Variants in MLIP observed in about 807,000 individuals in gnomAD.
The protein encoded by MLIP is muscular LMNA interacting protein, also known as muscular LMNA-interacting protein.
A neutral mutation model predicts 84.8 loss-of-function variants in MLIP; 79 were observed. The ratio of observed to expected loss-of-function variants is 0.93; its 90% CI spans 0.78 to 1.12. MLIP has a LOEUF of 1.12. MLIP is among the 50% of genes most tolerant of loss of function. MLIP has a pLI of 0.00. For synonymous variants in MLIP, 504 were observed against 463.0 expected, an observed-to-expected ratio of 1.09 and a Z score of -1.14; for missense variants, 1,257 against 1,160.6, an observed-to-expected ratio of 1.08 and a Z score of -1.21.
intron 11 of MLIP, among the ~76,000 whole-genome samples, chr6:54,204,500 C>A (rs1778909120): frequency 6.6e-6 from 1 of 152,122 alleles, no homozygotes; most frequent in African/African-American, 2.4e-5. Flanking sequence ...ATCCATGGAA[C>A]CTACATTGTT....
chr6:54,244,541 A>G (rs1781949308), intron 12 of MLIP, among the ~76,000 whole-genome samples: 1 of 152,190 alleles, frequency 6.6e-6, no homozygotes, highest in South Asian at 2.1e-4. Context: ...CAATGAGCAG[A>G]TATTTTAAGA....
At chr6:54,102,922 G>T (rs1301725037) in intron 1 of MLIP, among the ~76,000 whole-genome samples, 1 of 152,144 alleles carries the variant, frequency 6.6e-6, no homozygotes, top group East Asian at 1.9e-4. Context: ...ACAACAGGAG[G>T]TTGTATCTAA....
At chr6:54,154,629 T>G (rs1409760778) in intron 5 of MLIP, among the ~76,000 whole-genome samples, 1 of 152,136 alleles carries the variant, frequency 6.6e-6, no homozygotes, top group Non-Finnish European at 1.5e-5. Flanking sequence ...TACTGTACAG[T>G]GACATCAGCT....
chr6:54,155,145 C>T (rs2797429), intron 5 of MLIP, among the ~76,000 whole-genome samples: 56,853 of 151,836 alleles, frequency 0.37, 12,597 homozygotes, highest in African/African-American at 0.62. Flanking sequence ...CAAATATTCC[C>T]AGATCTTTAA....
At position 54,111,598 on chromosome 6, in the gene MLIP, T is replaced by A. The variant is rs1259489100; in HGVS notation, c.96+23T>A. 2.6e-6 allele frequency: 4 copies of A among 1,535,576 alleles called. No homozygotes were observed. The Admixed American group carries it at 7.8e-5, about 30-fold the overall frequency. On this transcript the variant is annotated intron_variant, in intron 1 of 13. Transcript: ENST00000502396. Reference sequence around the variant, plus strand: ...CAGGTAAAAGGAAGTCTTTGCTTAATGCTTTCAGTAACTTTTAAAAGCAGT... The same window carrying A: ...CAGGTAAAAGGAAGTCTTTGCTTAAAGCTTTCAGTAACTTTTAAAAGCAGT...
chr6:54,135,332 T>C (rs1771709232), intron 3 of MLIP, among the ~76,000 whole-genome samples: 1 of 152,140 alleles, frequency 6.6e-6, no homozygotes, highest in South Asian at 2.1e-4. Flanking sequence ...GTTATTTATG[T>C]AGCAAGAATT....
At chr6:54,039,582 C>T (rs1009659102) in intron 1 of MLIP, among the ~76,000 whole-genome samples, 1 of 151,800 alleles carries the variant, frequency 6.6e-6, no homozygotes, top group Non-Finnish European at 1.5e-5. Context: ...TTCAAATGAG[C>T]ACATGAGAGC....
intron 1 of MLIP, among the ~76,000 whole-genome samples, chr6:54,097,888 A>T (rs895437960): frequency 6.6e-6 from 1 of 152,144 alleles, no homozygotes; most frequent in Non-Finnish European, 1.5e-5. Flanking sequence ...CCAGCCTCAC[A>T]CTCATGTTTG....
intron 1 of MLIP, chr6:54,029,325 G>GGAT (rs953407410): frequency 3.3e-5 from 5 of 152,204 alleles, no homozygotes; most frequent in Non-Finnish European, 5.9e-5. Context: ...GAGTCCTAGT[G>GGAT]GATGAGAGTA....
intron 12 of MLIP, among the ~76,000 whole-genome samples, chr6:54,243,657 A>G (rs115663433): frequency 9.2e-5 from 14 of 152,330 alleles, no homozygotes; most frequent in East Asian, 3.9e-4. Flanking sequence ...AAAATTTTGC[A>G]GAACAGCTTA....
intron 1 of MLIP, among the ~76,000 whole-genome samples, chr6:54,115,702 C>T (rs964778635): frequency 6.6e-6 from 1 of 152,102 alleles, no homozygotes; most frequent in Non-Finnish European, 1.5e-5. Flanking sequence ...GGAAAGATGA[C>T]TGCAGCTAAG....
chr6:54,130,763 G>T (rs917428060), intron 3 of MLIP, among the ~76,000 whole-genome samples: 2 of 152,116 alleles, frequency 1.3e-5, no homozygotes, highest in Non-Finnish European at 2.9e-5. Context: ...AGGCAGTGTT[G>T]CTGAAATTTG....
chr6:54,050,062 T>C (rs1765288007), intron 1 of MLIP, among the ~76,000 whole-genome samples: 2 of 152,114 alleles, frequency 1.3e-5, no homozygotes, highest in South Asian at 4.1e-4. Flanking sequence ...GGAGCTCTTG[T>C]TACAGAAAAA....
intron 5 of MLIP, among the ~76,000 whole-genome samples, chr6:54,151,086 GGTT>G (rs1773393950): frequency 6.6e-6 from 1 of 152,068 alleles, no homozygotes; most frequent in African/African-American, 2.4e-5. Flanking sequence ...GGCTAGTGTA[GGTT>G]GTTGTCTCTT....
intron 11 of MLIP, among the ~76,000 whole-genome samples, chr6:54,219,954 C>G (rs1780113990): frequency 6.6e-6 from 1 of 151,960 alleles, no homozygotes; most frequent in Non-Finnish European, 1.5e-5. Flanking sequence ...TTAAAATAAG[C>G]AAATGACTTT....
Position 54,210,649 on chromosome 6 carries a change from C to T in MLIP, c.2718+8416C>T, listed in dbSNP as rs550135414. Among the ~76,000 whole-genome samples the T allele has an allele frequency of 2.2e-3, 311 of 141,632 alleles. 2 individuals are homozygous for T. The highest frequency in any genetic ancestry group is 7.6e-3 in the African/African-American group (297 of 39,186). 92.9% of individuals were successfully genotyped at this position (141,632 alleles called of 152,430 possible). On this transcript the variant is annotated intron_variant, in intron 11 of 13. Transcript: ENST00000502396. ...GCCAAGACTCTGAACTCTGCAGAAA[C>T]ATTTGTTTCACCCAGACTTCAAACT...
intron 1 of MLIP, among the ~76,000 whole-genome samples, chr6:54,047,885 T>G (rs1765158245): frequency 6.6e-6 from 1 of 152,206 alleles, no homozygotes; most frequent in Non-Finnish European, 1.5e-5. Context: ...AGATGAAATA[T>G]TTTTTCCAAG....
intron 1 of MLIP, among the ~76,000 whole-genome samples, chr6:54,119,335 A>G (rs547683300): frequency 2.0e-5 from 3 of 152,236 alleles, no homozygotes; most frequent in Non-Finnish European, 4.4e-5. Flanking sequence ...TAGTACATAT[A>G]CACAGTGGAA....
chr6:54,136,980 A>T lies in MLIP; in HGVS notation c.911A>T (p.Gln304Leu). ...SSTLLFPHST[Q>L]LSGSNLPSST... ...ACGTTACTGTTTCCCCATTCCACTC[A>T]ACTATCAGGTTCTAATTTACCCAGT... Residue 304 changes from glutamine to leucine, a missense_variant, in exon 4 of 14, where the codon CAA becomes CTA. Coordinates refer to ENST00000502396, the MANE Select transcript of MLIP (RefSeq NM_001281747.2). 4 of 1,535,956 alleles carry T rather than the reference A, an allele frequency of 2.6e-6. No individual in the cohort carries two copies. The highest frequency in any genetic ancestry group is 2.6e-6 in the Non-Finnish European group (3 of 1,146,848).
Sources: allele counts gnomAD v4.1 joint callset (sites outside exome capture counted in the v4.1 genomes callset), GRCh38; gene constraint gnomAD v4.1.1; transcripts MANE v1.5; gene names NCBI Gene and HGNC (gene_info 2026-07-23, HGNC 2026-07-21).